Variants in CSRNP3 observed in about 807,000 individuals in gnomAD.
The protein encoded by CSRNP3 is cysteine/serine-rich nuclear protein 3.
Under a neutral mutation model 48.0 loss-of-function variants are expected in CSRNP3, and 12 were observed. The observed-to-expected ratio is 0.25, with a 90% CI of 0.16 to 0.41. The LOEUF (loss-of-function observed/expected upper bound fraction) is 0.41. Ranked by LOEUF, CSRNP3 falls within the 10% of genes least tolerant of loss-of-function variation. The pLI is 1.00. For missense variants in CSRNP3, 580 were observed against 724.4 expected, an observed-to-expected ratio of 0.80 and a Z score of 2.29; for synonymous variants, 263 against 269.7, an observed-to-expected ratio of 0.98 and a Z score of 0.24.
At chr2:165,595,484 C>G (rs1163874239) in intron 4 of CSRNP3, among the ~76,000 whole-genome samples, 1 of 151,856 alleles carries the variant, frequency 6.6e-6, no homozygotes, top group Admixed American at 6.6e-5. Flanking sequence ...AAGTAAACAC[C>G]TAGTACTCTG....
At chr2:165,598,018 A>G (rs996336755) in intron 4 of CSRNP3, among the ~76,000 whole-genome samples, 19 of 152,176 alleles carry the variant, frequency 1.2e-4, no homozygotes, top group African/African-American at 2.4e-5. Flanking sequence ...TCGGAAATAC[A>G]AGAGCCATAA....
intron 4 of CSRNP3, among the ~76,000 whole-genome samples, chr2:165,597,503 A>T (rs1034439005): frequency 3.9e-5 from 6 of 152,124 alleles, no homozygotes; most frequent in African/African-American, 1.4e-4. Context: ...AATTTTTTTT[A>T]ATAATGAGGA....
intron 3 of CSRNP3, among the ~76,000 whole-genome samples, chr2:165,556,628 A>G (rs894414310): frequency 6.6e-6 from 1 of 152,198 alleles, no homozygotes; most frequent in African/African-American, 2.4e-5. Context: ...GTGAGTGACA[A>G]AAATAGAACA....
intron 5 of CSRNP3, among the ~76,000 whole-genome samples, chr2:165,665,768 A>G (rs1156340525): frequency 7.7e-6 from 1 of 129,190 alleles, no homozygotes; most frequent in Non-Finnish European, 1.6e-5. Flanking sequence ...TTCTGGGAAA[A>G]GAAAGAAAGA....
chr2:165,528,519 A>G (rs1040846329), intron 3 of CSRNP3, among the ~76,000 whole-genome samples: 8 of 152,322 alleles, frequency 5.3e-5, no homozygotes, highest in African/African-American at 1.9e-4. Context: ...ATAAAAGGAT[A>G]AAGGTTGTTT....
At chr2:165,571,972 A>G (rs1407212773) in intron 3 of CSRNP3, among the ~76,000 whole-genome samples, 1 of 152,202 alleles carries the variant, frequency 6.6e-6, no homozygotes, top group Non-Finnish European at 1.5e-5. Flanking sequence ...TGGTTAAAAC[A>G]TATTGCCAAA....
At chr2:165,603,906 C>A (rs369383597) in intron 4 of CSRNP3, among the ~76,000 whole-genome samples, 3 of 152,178 alleles carry the variant, frequency 2.0e-5, no homozygotes, top group African/African-American at 4.8e-5. Context: ...GCTTTCTCAT[C>A]GTCTTGCACC....
chr2:165,674,738 G>T (rs1381257258), intron 5 of CSRNP3, among the ~76,000 whole-genome samples: 2 of 132,746 alleles, frequency 1.5e-5, no homozygotes, highest in African/African-American at 3.2e-5. Context: ...TTTAAATAGG[G>T]TCTCACTCTG....
chr2:165,474,819 T>G (rs1398152524), intron 1 of CSRNP3, among the ~76,000 whole-genome samples: 2 of 152,162 alleles, frequency 1.3e-5, no homozygotes, highest in Non-Finnish European at 1.5e-5. Flanking sequence ...TGCATAGAAC[T>G]CTCCACTTCA....
intron 2 of CSRNP3, among the ~76,000 whole-genome samples, chr2:165,501,369 A>G (rs1449125496): frequency 3.3e-5 from 5 of 152,184 alleles, no homozygotes; most frequent in African/African-American, 1.2e-4. Flanking sequence ...AAATTGAAGA[A>G]TGGAGTCCAA....
At chr2:165,528,726 A>G (rs536247136) in intron 3 of CSRNP3, among the ~76,000 whole-genome samples, 1 of 152,248 alleles carries the variant, frequency 6.6e-6, no homozygotes, top group South Asian at 2.1e-4. Context: ...TTTTACTATT[A>G]TTTCTTTGTA....
intron 3 of CSRNP3, among the ~76,000 whole-genome samples, chr2:165,585,284 CA>C (rs1574849515): frequency 6.6e-6 from 1 of 151,558 alleles, no homozygotes; most frequent in African/African-American, 2.4e-5. Flanking sequence ...TCAATTCAGC[CA>C]CTGTCCTCTT....
intron 2 of CSRNP3, among the ~76,000 whole-genome samples, chr2:165,512,744 G>T (rs768855863): frequency 2.0e-5 from 3 of 152,196 alleles, no homozygotes; most frequent in Admixed American, 1.3e-4. Flanking sequence ...AATTGGAGTG[G>T]TATTGATATC....
intron 3 of CSRNP3, among the ~76,000 whole-genome samples, chr2:165,586,349 T>A (rs1441286350): frequency 6.6e-6 from 1 of 152,176 alleles, no homozygotes; most frequent in African/African-American, 2.4e-5. Flanking sequence ...ATTTTCCTAT[T>A]TAGATGTTTT....
chr2:165,635,603 G>A (rs912970154), intron 4 of CSRNP3, among the ~76,000 whole-genome samples: 1 of 152,056 alleles, frequency 6.6e-6, no homozygotes, highest in Non-Finnish European at 1.5e-5. Flanking sequence ...TAGAAATGTC[G>A]ATACCCTATT....
chr2:165,608,626 C>T (rs1172733229), intron 4 of CSRNP3, among the ~76,000 whole-genome samples: 3 of 152,028 alleles, frequency 2.0e-5, no homozygotes. Flanking sequence ...AATATGCAGG[C>T]ATATAAACAG....
chr2:165,500,248 C>T (rs1233314992), intron 2 of CSRNP3, among the ~76,000 whole-genome samples: 1 of 150,608 alleles, frequency 6.6e-6, no homozygotes, highest in East Asian at 1.9e-4. Context: ...TATTTTTATG[C>T]CATTGGATTA....
At chr2:165,643,528 T>C (rs990148444) in intron 4 of CSRNP3, among the ~76,000 whole-genome samples, 4 of 152,160 alleles carry the variant, frequency 2.6e-5, no homozygotes, top group African/African-American at 9.7e-5. Flanking sequence ...TCTTGCTGCT[T>C]CCTGTGCTGT....
At chr2:165,632,657 A>C (rs1387127103) in intron 4 of CSRNP3, among the ~76,000 whole-genome samples, 2 of 152,252 alleles carry the variant, frequency 1.3e-5, no homozygotes, top group Non-Finnish European at 2.9e-5. Flanking sequence ...TTATGTTTAA[A>C]TAGAGTCTCC....
Sources: allele counts gnomAD v4.1 joint callset (sites outside exome capture counted in the v4.1 genomes callset), GRCh38; gene constraint gnomAD v4.1.1; transcripts MANE v1.5; gene names NCBI Gene and HGNC (gene_info 2026-07-23, HGNC 2026-07-21).